The following TXK variants were observed in gnomAD, a reference collection of about 807,000 sequenced individuals.
The protein encoded by TXK is tyrosine-protein kinase TXK.
TXK carries 60 observed loss-of-function variants against 81.0 expected under a neutral mutation model. The observed-to-expected ratio is 0.74, with a 90% CI of 0.60 to 0.92. The LOEUF is 0.92. Among genes scored for constraint, TXK ranks in the 40% least tolerant of loss-of-function variants. The probability of loss-of-function intolerance (pLI) is 0.00; values close to 1 mark genes in which losing one functional copy is unlikely to be tolerated. For synonymous variants in TXK, 203 were observed against 210.7 expected (o/e 0.96, Z 0.32); for missense variants, 581 against 638.3 (o/e 0.91, Z 0.97).
rs1416230341 is a variant in TXK at position 48,067,393 on chromosome 4, A to G, written c.*244T>C. 2 of 450,404 alleles carry G rather than the reference A, an allele frequency of 4.4e-6. No individual in the cohort carries two copies. The highest frequency in any genetic ancestry group is 4.1e-5 in the East Asian group (1 of 24,546). The allele number at this position is 450,404 out of a possible 1,614,324, so 27.9% of individuals were successfully genotyped here. On this transcript the variant is annotated 3_prime_UTR_variant, in exon 15 of 15. Coordinates refer to ENST00000264316, the MANE Select transcript of TXK (RefSeq NM_003328.3). ...TGCGAAGTCTTTTTCACTTCTTCAC[A>G]TTTGGGATGTGAAATATTTTACAGA...
chr4:48,087,798 T>C (rs1330250255), intron 9 of TXK, among the ~76,000 whole-genome samples: 1 of 152,130 alleles, frequency 6.6e-6, no homozygotes, highest in Non-Finnish European at 1.5e-5. Context: ...TGGCATAAAT[T>C]TATTCAACAG....
intron 1 of TXK, among the ~76,000 whole-genome samples, chr4:48,130,933 C>T (rs994438530): frequency 5.9e-5 from 9 of 152,262 alleles, no homozygotes; most frequent in African/African-American, 2.2e-4. Context: ...CACACCAAGA[C>T]TTAGAAACCA....
At chr4:48,087,426 TTTATTA>T (rs1402323813) in intron 9 of TXK, among the ~76,000 whole-genome samples, 3 of 151,598 alleles carry the variant, frequency 2.0e-5, no homozygotes, top group Non-Finnish European at 2.9e-5. Flanking sequence ...TATGTTTTAT[TTTATTA>T]TTATTATTAT....
At chr4:48,133,486 G>A (rs530190127) in intron 1 of TXK, among the ~76,000 whole-genome samples, 34 of 152,248 alleles carry the variant, frequency 2.2e-4, no homozygotes, top group Admixed American at 1.9e-3. Context: ...GTAGAGACTC[G>A]TGACTTTGAC....
intron 1 of TXK, among the ~76,000 whole-genome samples, chr4:48,117,253 C>T (rs1322678919): frequency 1.3e-5 from 2 of 152,210 alleles, no homozygotes; most frequent in Non-Finnish European, 2.9e-5. Context: ...TTGCCACTGC[C>T]AACACCTTGG....
intron 10 of TXK, among the ~76,000 whole-genome samples, chr4:48,082,046 A>G (rs1717321531): frequency 6.6e-6 from 1 of 152,156 alleles, no homozygotes; most frequent in Non-Finnish European, 1.5e-5. Flanking sequence ...GTTTTCCAAG[A>G]GTGTATTGAT....
Position 48,086,585 on chromosome 4 carries a change from G to A in TXK, c.837C>T (p.Ser279=), listed in dbSNP as rs545323983. 10 of 1,613,952 alleles carry A rather than the reference G, an allele frequency of 6.2e-6. No individual in the cohort carries two copies. Among genetic ancestry groups the A allele is most frequent in the Admixed American group, 3.3e-5 (2 of 59,986 alleles). ...CTAAATGGACCACTCCAAACTGACC[G>A]CTTCCAATCTCCTTTATAAAAGCCA... ...SELAFIKEIG[S]GQFGVVHLGE... is the part of the protein sequence containing the mutation. Residue 279 remains serine, a synonymous_variant, in exon 10 of 15, where the codon AGC becomes AGT. Transcript: ENST00000264316.
chr4:48,111,041 T>C (rs1718617406), intron 4 of TXK, among the ~76,000 whole-genome samples: 2 of 152,218 alleles, frequency 1.3e-5, no homozygotes, highest in Non-Finnish European at 2.9e-5. Context: ...CGCCTTCTTG[T>C]ACAGAAGAAT....
At chr4:48,072,389 T>C (rs1461941636) in intron 13 of TXK, among the ~76,000 whole-genome samples, 1 of 152,178 alleles carries the variant, frequency 6.6e-6, no homozygotes, top group African/African-American at 2.4e-5. Flanking sequence ...CTGACAGGAT[T>C]ATGTGAGCCT....
At chr4:48,118,089 A>G (rs745671623) in intron 1 of TXK, among the ~76,000 whole-genome samples, 2 of 152,232 alleles carry the variant, frequency 1.3e-5, no homozygotes, top group African/African-American at 2.4e-5. Flanking sequence ...CCAAATTGGC[A>G]GACCAATTTG....
At chr4:48,101,608 T>A (rs1718199165) in intron 6 of TXK, among the ~76,000 whole-genome samples, 1 of 151,916 alleles carries the variant, frequency 6.6e-6, no homozygotes, top group Admixed American at 6.6e-5. Context: ...TTAGAAAATA[T>A]ATAAATTAGA....
At chr4:48,128,805 G>T (rs1051493164) in intron 1 of TXK, among the ~76,000 whole-genome samples, 4 of 151,906 alleles carry the variant, frequency 2.6e-5, no homozygotes, top group Admixed American at 6.6e-5. Context: ...CTGACCTCGT[G>T]ATCCACCTGC....
At chr4:48,112,164 G>C in intron 4 of TXK, 143 bp downstream of exon 4, 1 of 754,504 alleles carries the variant, frequency 1.3e-6, no homozygotes, top group South Asian at 2.0e-5. Flanking sequence ...TGAAATCACT[G>C]TTCTCTCATT....
intron 9 of TXK, chr4:48,089,300 G>T (rs1248743738): frequency 6.5e-6 from 1 of 153,754 alleles, no homozygotes; most frequent in East Asian, 1.9e-4. Flanking sequence ...ATCTCAGAAG[G>T]GTGATGTAAA....
intron 7 of TXK, among the ~76,000 whole-genome samples, chr4:48,094,595 T>C (rs1294635444): frequency 6.6e-6 from 1 of 152,230 alleles, no homozygotes; most frequent in African/African-American, 2.4e-5. Context: ...AGTAGGTTAC[T>C]ACTATGGGCA....
In TXK at chr4:48,069,332, T is replaced by TTTCTTTTC. The variant is rs61537923; in HGVS notation, c.1516-1628_1516-1627insGAAAAGAA. On this transcript the variant is annotated intron_variant, in intron 14 of 14. Coordinates refer to ENST00000264316, the MANE Select transcript of TXK (RefSeq NM_003328.3). ...TAAATCAATCTTTTCTTTTCTTTTTTTTTTTTTTTTTTTGAGACAGTCTGG... is the reference window on the plus strand; with the variant it reads ...TAAATCAATCTTTTCTTTTCTTTTTTTTCTTTTCTTTTTTTTTTTTTGAGACAGTCTGG... 1.8e-4 allele frequency among the ~76,000 whole-genome samples: 25 copies of TTTCTTTTC among 137,376 alleles called. No homozygotes were observed. The East Asian group carries it at 2.6e-3, about 14-fold the overall frequency. The allele number at this position is 137,376 out of a possible 152,430, so 90.1% of individuals were successfully genotyped here.
At chr4:48,115,624 A>G (rs1718785246) in intron 1 of TXK, among the ~76,000 whole-genome samples, 2 of 152,138 alleles carry the variant, frequency 1.3e-5, no homozygotes, top group Non-Finnish European at 2.9e-5. Flanking sequence ...AAGCAGGCAG[A>G]TCGCTTGAGC....
rs73151604 is a variant in TXK at position 48,083,467 on chromosome 4, G to A, written c.956+2999C>T. 4.9e-4 allele frequency among the ~76,000 whole-genome samples: 74 copies of A among 152,282 alleles called. 1 individual carries two copies. The highest frequency in any genetic ancestry group is 1.7e-3 in the African/African-American group (72 of 41,542). ...ACATTTTGTAGGCCGATCACCTTGG[G>A]CACATATCATCAGGACCTCCTGAGG... On this transcript the variant is annotated intron_variant, in intron 10 of 14. Coordinates refer to ENST00000264316, the MANE Select transcript of TXK (RefSeq NM_003328.3).
In TXK at chr4:48,093,628, C is replaced by T. The variant is rs370377604; in HGVS notation, c.709+449G>A. ...CTGTGAAAGGCTGTGTTCTCTGTGA[C>T]TTTTTATATTCTCCAAACAAGAAAG... is the stretch of plus-strand genomic sequence containing the variant. On this transcript the variant is annotated intron_variant, in intron 8 of 14. Coordinates refer to ENST00000264316, the MANE Select transcript of TXK (RefSeq NM_003328.3). Among the ~76,000 whole-genome samples, 180 of 152,248 alleles carry T rather than the reference C, an allele frequency of 1.2e-3. No individual in the cohort carries two copies. The Middle Eastern group carries it at 0.014, about 12-fold the overall frequency.
Sources: allele counts gnomAD v4.1 joint callset (sites outside exome capture counted in the v4.1 genomes callset), GRCh38; gene constraint gnomAD v4.1.1; transcripts MANE v1.5; gene names NCBI Gene and HGNC (gene_info 2026-07-23, HGNC 2026-07-21).